The following IMPG2 variants were observed in gnomAD, a reference collection of about 807,000 sequenced individuals.
IMPG2 encodes the protein IPM 200.
Under a neutral mutation model 129.2 loss-of-function variants are expected in IMPG2, and 91 were observed. That is an observed-to-expected ratio of 0.70 (90% confidence interval 0.59 to 0.84). The LOEUF is 0.84. Ranked by LOEUF, IMPG2 falls within the 40% of genes least tolerant of loss-of-function variation. The probability of loss-of-function intolerance (pLI) is 0.00; values close to 1 mark genes in which losing one functional copy is unlikely to be tolerated. For missense variants in IMPG2, 1,430 were observed against 1,461.7 expected, an observed-to-expected ratio of 0.98 and a Z score of 0.35; for synonymous variants, 510 against 517.7, an observed-to-expected ratio of 0.99 and a Z score of 0.20.
chr3:101,267,696 G>T (rs1706734964), intron 8 of IMPG2, among the ~76,000 whole-genome samples, 165 bp from the exon 9 acceptor site: 1 of 152,018 alleles, frequency 6.6e-6, no homozygotes, highest in African/African-American at 2.4e-5. Context: ...AGTGAGCAAA[G>T]GTGAAAAAAG....
At chr3:101,308,534 C>T (rs528155533) in intron 2 of IMPG2, among the ~76,000 whole-genome samples, 1 of 152,368 alleles carries the variant, frequency 6.6e-6, no homozygotes, top group Admixed American at 6.5e-5. Flanking sequence ...CCCCTTTTAG[C>T]CATGGCTGGC....
intron 9 of IMPG2, among the ~76,000 whole-genome samples, chr3:101,260,633 A>G (rs541298476): frequency 5.5e-4 from 84 of 152,060 alleles, no homozygotes; most frequent in Non-Finnish European, 1.0e-3. Flanking sequence ...TCTCTCTCCA[A>G]TTCCTGTTAT....
intron 9 of IMPG2, among the ~76,000 whole-genome samples, chr3:101,265,117 T>C (rs756771622): frequency 1.1e-4 from 17 of 152,116 alleles, no homozygotes; most frequent in Non-Finnish European, 1.6e-4. Flanking sequence ...ATGACCATAC[T>C]ACCCAAAGCA....
intron 14 of IMPG2, among the ~76,000 whole-genome samples, chr3:101,234,796 T>G (rs953056120): frequency 6.6e-6 from 1 of 152,206 alleles, no homozygotes; most frequent in African/African-American, 2.4e-5. Context: ...CACTGCATGT[T>G]AAAGTAAGTT....
chr3:101,257,231 A>C (rs575422146), intron 10 of IMPG2, among the ~76,000 whole-genome samples: 6 of 152,118 alleles, frequency 3.9e-5, no homozygotes, highest in African/African-American at 1.4e-4. Flanking sequence ...AGCCTGTTTC[A>C]ATGCACACTT....
chr3:101,256,207 A>AAG, intron 10 of IMPG2, among the ~76,000 whole-genome samples: 2 of 151,094 alleles, frequency 1.3e-5, no homozygotes, highest in African/African-American at 4.9e-5. Context: ...GAAAGAAAGA[A>AAG]AGAAAGAAAG....
intron 4 of IMPG2, among the ~76,000 whole-genome samples, chr3:101,280,983 T>C (rs922523297): frequency 6.6e-6 from 1 of 151,626 alleles, no homozygotes. Context: ...TGATCCATGA[T>C]GGGTATTCTC....
rs542135340 is a variant in IMPG2 at position 101,239,460 on chromosome 3, A to G, written c.3022+3228T>C. 1.6e-3 allele frequency among the ~76,000 whole-genome samples: 240 copies of G among 152,348 alleles called. 1 individual carries two copies. The highest frequency in any genetic ancestry group is 5.4e-3 in the African/African-American group (223 of 41,576). On this transcript the variant is annotated intron_variant, in intron 14 of 18. Coordinates refer to ENST00000193391, the MANE Select transcript of IMPG2 (RefSeq NM_016247.4). ...CAGATGCTGGAGAGGATGTGGAGAAATAGGAACACCTTTACACTGTTGGTG... is the reference window on the plus strand; with the variant it reads ...CAGATGCTGGAGAGGATGTGGAGAAGTAGGAACACCTTTACACTGTTGGTG...
At chr3:101,284,689 A>G (rs1706927136) in intron 4 of IMPG2, among the ~76,000 whole-genome samples, 1 of 152,224 alleles carries the variant, frequency 6.6e-6, no homozygotes, top group Non-Finnish European at 1.5e-5. Context: ...AGTTTCTAAA[A>G]GAAGTAATAT....
rs969516357 is a variant in IMPG2, at chr3:101,257,410, T to C, written c.1153+119A>G. 16 of 1,218,524 alleles carry C rather than the reference T, an allele frequency of 1.3e-5. No individual in the cohort carries two copies. In the African/African-American group the frequency reaches 1.5e-4, roughly 11 times the overall value. 75.5% of individuals were successfully genotyped at this position (1,218,524 alleles called of 1,614,324 possible). A position where few individuals can be genotyped will look rare whatever the true frequency, so the allele number is the denominator to read the frequency against. ...AAAACTCCATTCATATCAGGTTGGC[T>C]CCTGTCTCATAAAGTCTAGAGAATG... On this transcript the variant is annotated intron_variant, in intron 10 of 18. Transcript: ENST00000193391.
chr3:101,252,283 C>T (rs766030384), intron 11 of IMPG2, among the ~76,000 whole-genome samples: 9 of 152,224 alleles, frequency 5.9e-5, no homozygotes, highest in Non-Finnish European at 8.8e-5. Context: ...TCCCAAGCTG[C>T]GTGTCTATAG....
intron 2 of IMPG2, among the ~76,000 whole-genome samples, chr3:101,316,909 C>T (rs142631175): frequency 2.0e-4 from 30 of 152,044 alleles, no homozygotes; most frequent in African/African-American, 7.2e-4. Context: ...TATTGATACA[C>T]AAAACACATG....
At chr3:101,230,915 T>G in intron 16 of IMPG2, 42 bp downstream of exon 16, 1 of 1,562,006 alleles carries the variant, frequency 6.4e-7, no homozygotes, top group Non-Finnish European at 8.8e-7. Context: ...AATGTGTAAA[T>G]GGAACATTGT....
chr3:101,308,722 C>G (rs1219466704), intron 2 of IMPG2, among the ~76,000 whole-genome samples: 2 of 152,256 alleles, frequency 1.3e-5, no homozygotes, highest in African/African-American at 4.8e-5. Context: ...ACTACTTATG[C>G]AAATTTCTGC....
At chr3:101,306,537 G>A (rs982829972) in intron 2 of IMPG2, among the ~76,000 whole-genome samples, 1 of 152,040 alleles carries the variant, frequency 6.6e-6, no homozygotes, top group Non-Finnish European at 1.5e-5. Flanking sequence ...TTAAAACTTC[G>A]AAATGAAAAT....
Position 101,229,405 on chromosome 3 carries a change from T to A in IMPG2, c.3608A>T (p.Tyr1203Phe), listed in dbSNP as rs756354450. Residue 1203 changes from tyrosine to phenylalanine, a missense_variant, in exon 17 of 19, where the codon TAT becomes TTT. Transcript: ENST00000193391. ...GLSREEIRQM[Y>F]ESSELSREEI... ...CTCTCTGGAAAGCTCACTGCTCTCA[T>A]ACATCTGTCTGATTTCTTCTCTGCT... The A allele has an allele frequency of 1.1e-5, 16 of 1,448,586 alleles. No homozygotes were observed. The highest frequency in any genetic ancestry group is 1.4e-5 in the Non-Finnish European group (15 of 1,076,924). 89.7% of individuals were successfully genotyped at this position (1,448,586 alleles called of 1,614,324 possible).
chr3:101,304,321 T>C lies in IMPG2; in HGVS notation c.335-9A>G. 5.0e-6 allele frequency: 8 copies of C among 1,613,332 alleles called. No homozygotes were observed. The highest frequency in any genetic ancestry group is 6.8e-6 in the Non-Finnish European group (8 of 1,179,380). ...GACAGCTTCCTGACACACTAGAAAA[T>C]AGAGAGGTGTTTTTTTACAAAAAGC... On this transcript the variant is annotated splice_polypyrimidine_tract_variant and intron_variant, in intron 2 of 18. Transcript: ENST00000193391.
chr3:101,296,120 AG>A (rs1221383745), intron 3 of IMPG2, among the ~76,000 whole-genome samples: 2 of 152,192 alleles, frequency 1.3e-5, no homozygotes, highest in Admixed American at 1.3e-4. Context: ...GAGTGAAAGA[AG>A]GCATCCTTGT....
At chr3:101,227,173 G>A (rs1339498986) in intron 18 of IMPG2, among the ~76,000 whole-genome samples, 192 bp from the exon 19 acceptor site, 1 of 152,150 alleles carries the variant, frequency 6.6e-6, no homozygotes, top group Admixed American at 6.5e-5. Context: ...ATCATGTGAT[G>A]CTTTAATCCT....
Sources: gnomAD v4.1 joint callset for allele counts (sites outside exome capture counted in the v4.1 genomes callset) on GRCh38, gnomAD v4.1.1 for gene constraint, MANE v1.5 for transcripts, NCBI Gene and HGNC (gene_info 2026-07-23, HGNC 2026-07-21) for gene names.